FAM184A: variants seen among roughly 807,000 people sequenced by gnomAD.
FAM184A encodes the protein family with sequence similarity 184 member A.
Under a neutral mutation model 143.8 loss-of-function variants are expected in FAM184A, and 99 were observed. That is an observed-to-expected ratio of 0.69 (90% confidence interval 0.58 to 0.81). The LOEUF is 0.81. Among genes scored for constraint, FAM184A ranks in the 40% least tolerant of loss-of-function variants. The pLI is 0.00. For missense variants in FAM184A, 1,217 were observed against 1,310.5 expected (o/e 0.93, Z 1.10); for synonymous variants, 427 against 446.4 (o/e 0.96, Z 0.55).
At chr6:119,022,228 T>C (rs1785472664) in intron 3 of FAM184A, among the ~76,000 whole-genome samples, 1 of 151,924 alleles carries the variant, frequency 6.6e-6, no homozygotes, top group African/African-American at 2.4e-5. Context: ...CAGCTAATTT[T>C]TGTTATTTTT....
rs904854044 is a variant in FAM184A at position 119,019,002 on chromosome 6, A to G, written c.1332+976T>C. ...ATGTTTGTGAAAAACATAAATGGAG[A>G]TATCTAGTGGAAAGGATAAAAGACT... On this transcript the variant is annotated intron_variant, in intron 4 of 17. Transcript: ENST00000338891. Among the ~76,000 whole-genome samples the G allele has an allele frequency of 9.9e-5, 15 of 152,278 alleles. No homozygotes were observed. The South Asian group carries it at 2.3e-3, about 23-fold the overall frequency.
At position 118,974,488 on chromosome 6, in the gene FAM184A, C is replaced by A; in HGVS notation, c.2855G>T (p.Arg952Leu). 2 of 1,612,468 alleles carry A rather than the reference C, an allele frequency of 1.2e-6. No individual in the cohort carries two copies. The highest frequency in any genetic ancestry group is 1.7e-6 in the Non-Finnish European group (2 of 1,179,146). ...ADHLREKNIM[R>L]ADFNKTNELL... ...CTCGTTAGTCTTATTAAAATCTGCC[C>A]GCATGATATTTTTCTCTCTGAGGTG... The change falls in exon 14 of 18, where the codon CGG becomes CTG. Residue 952 changes from arginine (R) to leucine (L), a missense_variant. Arg to Leu is a moderately radical substitution (Grantham distance 102). Transcript: ENST00000338891.
At chr6:119,051,871 T>C (rs1786781864) in intron 1 of FAM184A, among the ~76,000 whole-genome samples, 1 of 152,220 alleles carries the variant, frequency 6.6e-6, no homozygotes, top group South Asian at 2.1e-4. Flanking sequence ...GATTATTTTA[T>C]GCAACAGAAA....
chr6:119,101,544 A>G (rs372686712), intron 1 of FAM184A, among the ~76,000 whole-genome samples: 7 of 152,188 alleles, frequency 4.6e-5, no homozygotes, highest in East Asian at 3.8e-4. Flanking sequence ...TTTTGATTCT[A>G]ATTTTGGTAC....
intron 1 of FAM184A, among the ~76,000 whole-genome samples, chr6:119,136,867 C>T (rs1789685820): frequency 6.6e-6 from 1 of 152,108 alleles, no homozygotes; most frequent in African/African-American, 2.4e-5. Context: ...AGAGGGTTGA[C>T]ATGGTGCTGG....
intron 3 of FAM184A, among the ~76,000 whole-genome samples, chr6:119,020,857 ACAAC>A (rs1305020757): frequency 6.6e-6 from 1 of 152,162 alleles, no homozygotes; most frequent in Non-Finnish European, 1.5e-5. Context: ...CCAAATAAAA[ACAAC>A]CAACCAACCA....
intron 1 of FAM184A, among the ~76,000 whole-genome samples, chr6:119,027,252 T>C (rs368124402): frequency 2.0e-5 from 3 of 152,126 alleles, no homozygotes; most frequent in African/African-American, 4.8e-5. Flanking sequence ...CTCCCTACAA[T>C]GTATAAACCA....
At chr6:119,100,881 C>T (rs748102946) in intron 1 of FAM184A, among the ~76,000 whole-genome samples, 5 of 151,096 alleles carry the variant, frequency 3.3e-5, no homozygotes, top group African/African-American at 4.9e-5. Flanking sequence ...ATCGCTTAAA[C>T]GCGGAAGGGG....
chr6:118,960,911 G>T (rs372513998), intron 17 of FAM184A: 3 of 1,039,630 alleles, frequency 2.9e-6, no homozygotes, highest in Admixed American at 2.3e-5. Context: ...AAAATATTTA[G>T]CAGGAGACAA....
At chr6:118,989,151 T>C (rs1049157535) in intron 9 of FAM184A, among the ~76,000 whole-genome samples, 6 of 151,760 alleles carry the variant, frequency 4.0e-5, no homozygotes, top group South Asian at 2.1e-4. Flanking sequence ...TTAGTAGAGA[T>C]GGGGTTTCAC....
At chr6:119,058,566 C>CA (rs1306872725) in intron 1 of FAM184A, among the ~76,000 whole-genome samples, 1 of 152,074 alleles carries the variant, frequency 6.6e-6, no homozygotes, top group Non-Finnish European at 1.5e-5. Context: ...TAAAATGTGG[C>CA]AAAAATGATA....
chr6:118,984,680 C>T (rs1308949959), intron 9 of FAM184A, among the ~76,000 whole-genome samples: 1 of 152,152 alleles, frequency 6.6e-6, no homozygotes, highest in Non-Finnish European at 1.5e-5. Flanking sequence ...TCTTCAAAAA[C>T]CATTGAGCCT....
At chr6:119,148,559 C>G (rs553549295) in intron 1 of FAM184A, among the ~76,000 whole-genome samples, 5 of 152,278 alleles carry the variant, frequency 3.3e-5, no homozygotes, top group African/African-American at 1.2e-4. Flanking sequence ...TCAGCTCTTT[C>G]TTTCTTAACC....
chr6:119,030,289 T>G (rs794256), intron 1 of FAM184A, among the ~76,000 whole-genome samples: 4,192 of 152,174 alleles, frequency 0.028, 218 homozygotes, highest in African/African-American at 0.095. Flanking sequence ...TAACTTATTT[T>G]TAAGTAAGAA....
chr6:119,041,796 G>T (rs1473477322), intron 1 of FAM184A, among the ~76,000 whole-genome samples: 1 of 152,158 alleles, frequency 6.6e-6, no homozygotes, highest in African/African-American at 2.4e-5. Flanking sequence ...CTTGCCATTG[G>T]TCCTGCACGG....
intron 1 of FAM184A, among the ~76,000 whole-genome samples, chr6:119,050,046 C>T (rs1786689929): frequency 6.6e-6 from 1 of 152,130 alleles, no homozygotes; most frequent in South Asian, 2.1e-4. Context: ...CCAAAGAAGA[C>T]ATACATGCAG....
At chr6:119,103,655 C>G (rs573083101) in intron 1 of FAM184A, among the ~76,000 whole-genome samples, 53 of 87,674 alleles carry the variant, frequency 6.0e-4, no homozygotes, top group South Asian at 1.3e-3. Flanking sequence ...AGGCCAGGCA[C>G]GGTGGCTCAA....
At position 118,992,583 on chromosome 6, in the gene FAM184A, A is replaced by T. The variant is rs916019759; in HGVS notation, c.2088+10316T>A. Among the ~76,000 whole-genome samples, 10 of 152,308 alleles carry T rather than the reference A, an allele frequency of 6.6e-5. No individual in the cohort carries two copies. In the East Asian group the frequency reaches 1.7e-3, roughly 26 times the overall value. On this transcript the variant is annotated intron_variant, in intron 9 of 17. Transcript: ENST00000338891. ...AGAAGCAGGCTCTCATCAGACACCA[A>T]ATCTGCTGGCACCCTGATCTTGGAC...
At chr6:119,117,884 G>A (rs1362606478) in intron 1 of FAM184A, among the ~76,000 whole-genome samples, 2 of 152,190 alleles carry the variant, frequency 1.3e-5, no homozygotes, top group Admixed American at 1.3e-4. Context: ...AAACAGGCAG[G>A]GGTGGGGGTA....
Sources: allele counts gnomAD v4.1 joint callset (sites outside exome capture counted in the v4.1 genomes callset), GRCh38; gene constraint gnomAD v4.1.1; transcripts MANE v1.5; gene names NCBI Gene and HGNC (gene_info 2026-07-23, HGNC 2026-07-21).